THNSL2: variants seen among roughly 807,000 people sequenced by gnomAD.
THNSL2 encodes threonine synthase-like 2.
Under a neutral mutation model 40.0 loss-of-function variants are expected in THNSL2, and 34 were observed. That is an observed-to-expected ratio of 0.85 (90% CI 0.65 to 1.13). The LOEUF (loss-of-function observed/expected upper bound fraction) is 1.13, where lower values mean the gene tolerates loss of function less well. Among genes scored for constraint, THNSL2 ranks in the 50% most tolerant of loss-of-function variants. THNSL2 has a pLI of 0.00. For missense variants in THNSL2, 537 were observed against 608.8 expected (o/e 0.88, Z 1.24); for synonymous variants, 241 against 247.5 (o/e 0.97, Z 0.25).
At chr2:88,184,611 A>C (rs193087263) in intron 7 of THNSL2, among the ~76,000 whole-genome samples, 16,948 of 151,846 alleles carry the variant, frequency 0.11, 1,296 homozygotes, top group Admixed American at 0.21. Flanking sequence ...CTAAAAAAAA[A>C]AAAAAATTAG....
intron 4 of THNSL2, among the ~76,000 whole-genome samples, chr2:88,178,105 G>A (rs1009297629): frequency 6.6e-6 from 1 of 152,148 alleles, no homozygotes; most frequent in Non-Finnish European, 1.5e-5. Flanking sequence ...ATATTGGCTT[G>A]GTTGCTCATT....
chr2:88,178,987 C>T lies in THNSL2; in HGVS notation c.776C>T (p.Pro259Leu). The change falls in exon 5 of 9, where the codon CCA (proline) becomes CTA (leucine). Residue 259 changes from proline (P) to leucine (L), a missense_variant. Coordinates refer to ENST00000674334, the MANE Select transcript of THNSL2 (RefSeq NM_018271.5). ...CTACCCCTGGTGGAGGTGGTTGTGC[C>T]AACAGGGGCTGCCGGTAACCTTGCA... Reference protein sequence around the residue: ...HPLPLVEVVVPTGAAGNLAAG... With the variant: ...HPLPLVEVVVLTGAAGNLAAG... The T allele has an allele frequency of 6.2e-7, 1 of 1,614,194 alleles. No individual in the cohort carries two copies. The highest frequency in any genetic ancestry group is 1.1e-5 in the South Asian group (1 of 91,082).
Position 88,173,300 on chromosome 2 carries a change from C to T in THNSL2, c.150C>T (p.Ser50=). The T allele has an allele frequency of 6.2e-7, 1 of 1,612,644 alleles. No homozygotes were observed. The highest frequency in any genetic ancestry group is 2.2e-5 in the East Asian group (1 of 44,882). The part of the protein sequence containing the change: ...RGTLCQWSTL[S]YPGLVKELCA... ...CCCTGTGCCAGTGGAGCACACTCTCCTATCCTGGCCTGGTGAAGGAGCTGT... is the reference window on the plus strand; with the variant it reads ...CCCTGTGCCAGTGGAGCACACTCTCTTATCCTGGCCTGGTGAAGGAGCTGT... Residue 50 remains serine (S), a synonymous_variant, in exon 2 of 9, where the codon TCC becomes TCT. Transcript: ENST00000674334.
At chr2:88,183,162 A>G in intron 7 of THNSL2, 89 bp downstream of exon 7, 2 of 1,532,978 alleles carry the variant, frequency 1.3e-6, no homozygotes, top group Non-Finnish European at 1.8e-6. Context: ...AGGGAAGAGG[A>G]CACCTGTTTC....
chr2:88,174,621 A>G lies in THNSL2; in HGVS notation c.224-18A>G, dbSNP rs753522871. 2 of 1,606,866 alleles carry G rather than the reference A, an allele frequency of 1.2e-6. No homozygotes were observed. The highest frequency in any genetic ancestry group is 2.2e-5 in the South Asian group (2 of 90,528). On this transcript the variant is annotated intron_variant, in intron 2 of 8. Transcript: ENST00000674334. ...AGACCAGGCCCCTCATTGGCTATCC[A>G]CCCCACTACCCTCACAGATCTGATC...
At chr2:88,180,369 C>T (rs186203963) in intron 5 of THNSL2, among the ~76,000 whole-genome samples, 19 of 152,264 alleles carry the variant, frequency 1.2e-4, no homozygotes, top group East Asian at 7.7e-4. Flanking sequence ...ATTAGTAGTT[C>T]GAGACCAGCC....
At chr2:88,178,543 G>A (rs1030293913) in intron 4 of THNSL2, among the ~76,000 whole-genome samples, 1 of 152,194 alleles carries the variant, frequency 6.6e-6, no homozygotes, top group African/African-American at 2.4e-5. Flanking sequence ...TACCCTTTCT[G>A]TTCTAAGCTA....
chr2:88,175,659 A>G, intron 4 of THNSL2: 1 of 419,900 alleles, frequency 2.4e-6, no homozygotes, highest in East Asian at 3.9e-5. Context: ...ACCATACCCC[A>G]AAAAATGCCA....
chr2:88,175,549 G>A (rs1350971808), intron 4 of THNSL2, 148 bp downstream of exon 4: 17 of 989,224 alleles, frequency 1.7e-5, no homozygotes, highest in Admixed American at 5.3e-5. Context: ...GTATGCCTTG[G>A]CTCAGCTCTG....
chr2:88,172,662 T>C (rs564995384), intron 1 of THNSL2: 4 of 152,590 alleles, frequency 2.6e-5, no homozygotes, highest in Admixed American at 6.5e-5. Context: ...AGTTGAGAAC[T>C]ACTAGGCTGT....
intron 8 of THNSL2, 170 bp from the exon 9 acceptor site, chr2:88,185,728 G>A (rs776650721): frequency 1.3e-6 from 2 of 1,550,606 alleles, no homozygotes; most frequent in South Asian, 2.4e-5. Context: ...TTGCCAGGTA[G>A]CGTCATTGTA....
At chr2:88,181,050 C>A in intron 5 of THNSL2, among the ~76,000 whole-genome samples, 1 of 151,752 alleles carries the variant, frequency 6.6e-6, no homozygotes, top group Non-Finnish European at 1.5e-5. Flanking sequence ...CATAAAACAG[C>A]CTCAGGGCTG....
chr2:88,175,037 C>T (rs753084703), intron 3 of THNSL2, among the ~76,000 whole-genome samples: 1 of 152,166 alleles, frequency 6.6e-6, no homozygotes, highest in African/African-American at 2.4e-5. Flanking sequence ...TTGAAGTGCA[C>T]AAAATGCTTA....
Position 88,186,166 on chromosome 2 carries a change from G to T in THNSL2, c.*43G>T. 6.5e-7 allele frequency: 1 copy of T among 1,537,346 alleles called. No homozygotes were observed. Among genetic ancestry groups the T allele is most frequent in the Non-Finnish European group, 8.8e-7 (1 of 1,134,160 alleles). ...TTCTTTAGGCTTCAGATCCCAGGAA[G>T]ATGCACCTTCTGAGCTGCCTTGTGC... is the stretch of plus-strand genomic sequence containing the variant. On this transcript the variant is annotated 3_prime_UTR_variant, in exon 9 of 9. Coordinates refer to ENST00000674334, the MANE Select transcript of THNSL2 (RefSeq NM_018271.5).
intron 1 of THNSL2, chr2:88,172,010 G>T (rs1676428287): frequency 6.6e-6 from 1 of 152,354 alleles, no homozygotes; most frequent in Non-Finnish European, 1.5e-5. Flanking sequence ...CTCCAGGTCA[G>T]TGCTCATATG....
At chr2:88,172,774 C>T (rs924652683) in intron 1 of THNSL2, 2 of 165,548 alleles carry the variant, frequency 1.2e-5, no homozygotes, top group African/African-American at 4.8e-5. Flanking sequence ...TGGTCTTTCG[C>T]CTTAGCAAGA....
intron 5 of THNSL2, among the ~76,000 whole-genome samples, chr2:88,181,983 T>C (rs932451737): frequency 6.6e-6 from 1 of 152,232 alleles, no homozygotes; most frequent in Non-Finnish European, 1.5e-5. Flanking sequence ...GGATATACCA[T>C]ACAGTGGTAT....
In THNSL2 at chr2:88,185,925, C is replaced by A; in HGVS notation, c.1257C>A (p.Ala419=). The part of the protein sequence containing the change: ...PSTPRCCLAP[A]SAAKFPEAVL... ...CTCCCCGGTGCTGCCTCGCCCCTGC[C>A]TCTGCAGCCAAGTTCCCGGAAGCTG... is the stretch of plus-strand genomic sequence containing the variant. Residue 419 remains alanine (A), a synonymous_variant, in exon 9 of 9, where the codon GCC becomes GCA. Transcript: ENST00000674334. 6.2e-7 allele frequency: 1 copy of A among 1,610,520 alleles called. No individual in the cohort carries two copies. The highest frequency in any genetic ancestry group is 1.1e-5 in the South Asian group (1 of 89,804).
intron 6 of THNSL2, 25 bp from the exon 7 acceptor site, chr2:88,182,923 G>T: frequency 6.2e-7 from 1 of 1,614,052 alleles, no homozygotes; most frequent in Non-Finnish European, 8.5e-7. Context: ...GATCAGTCTG[G>T]ACCTGAAACT....
Sources: allele counts gnomAD v4.1 joint callset (sites outside exome capture counted in the v4.1 genomes callset), GRCh38; gene constraint gnomAD v4.1.1; transcripts MANE v1.5; gene names NCBI Gene and HGNC (gene_info 2026-07-23, HGNC 2026-07-21).